Variants in CACNA2D1 observed in about 807,000 individuals in gnomAD.
CACNA2D1 encodes calcium voltage-gated channel auxiliary subunit alpha2delta 1.
CACNA2D1 carries 53 observed loss-of-function variants against 171.5 expected under a neutral mutation model. The ratio of observed to expected loss-of-function variants is 0.31; its 90% CI spans 0.25 to 0.39. CACNA2D1 has a LOEUF of 0.39. CACNA2D1 is among the 10% of genes least tolerant of loss of function. The probability of loss-of-function intolerance (pLI) is 1.00; values close to 1 mark genes in which losing one functional copy is unlikely to be tolerated. For synonymous variants in CACNA2D1, 442 were observed against 443.1 expected, an observed-to-expected ratio of 1.00 and a Z score of 0.03; for missense variants, 903 against 1,299.8, an observed-to-expected ratio of 0.69 and a Z score of 4.69.
intron 5 of CACNA2D1, among the ~76,000 whole-genome samples, chr7:82,119,201 GTT>G (rs910396504): frequency 2.6e-5 from 4 of 152,100 alleles, no homozygotes; most frequent in Non-Finnish European, 4.4e-5. Flanking sequence ...TCCTTCCAGT[GTT>G]TTCTTTTCAA....
intron 38 of CACNA2D1, among the ~76,000 whole-genome samples, chr7:81,951,889 T>A (rs180963926): frequency 2.6e-5 from 4 of 151,954 alleles, no homozygotes; most frequent in Non-Finnish European, 4.4e-5. Flanking sequence ...GTAGTTCTAC[T>A]TTTCATTCTT....
chr7:82,418,216 C>T (rs940731164), intron 1 of CACNA2D1, among the ~76,000 whole-genome samples: 12 of 152,082 alleles, frequency 7.9e-5, no homozygotes, highest in Non-Finnish European at 7.4e-5. Context: ...CTCATGAGAA[C>T]GAACTGAGTA....
chr7:82,118,669 T>C (rs892715219), intron 5 of CACNA2D1, among the ~76,000 whole-genome samples: 3 of 152,118 alleles, frequency 2.0e-5, no homozygotes, highest in Non-Finnish European at 4.4e-5. Context: ...CTCTGAATCC[T>C]CTCACACTTA....
intron 36 of CACNA2D1, among the ~76,000 whole-genome samples, chr7:81,961,683 G>A (rs180977500): frequency 5.4e-4 from 82 of 151,974 alleles, no homozygotes; most frequent in Admixed American, 2.4e-3. Flanking sequence ...ATCAAAGTTA[G>A]AATTTTAAAA....
At chr7:82,050,764 T>A (rs760184599) in intron 10 of CACNA2D1, 100 of 640,702 alleles carry the variant, frequency 1.6e-4, no homozygotes, top group Non-Finnish European at 2.3e-4. Context: ...ATCATCATCA[T>A]AATACATGAT....
At chr7:82,221,622 A>G (rs1801770612) in intron 3 of CACNA2D1, among the ~76,000 whole-genome samples, 1 of 151,982 alleles carries the variant, frequency 6.6e-6, no homozygotes. Flanking sequence ...GCAGTTGCCT[A>G]TAATCCCAGC....
chr7:82,216,923 C>A (rs1801175505), intron 3 of CACNA2D1, among the ~76,000 whole-genome samples: 2 of 148,194 alleles, frequency 1.3e-5, no homozygotes, highest in African/African-American at 2.5e-5. Flanking sequence ...GCTGGTTAAT[C>A]CTCCAATAAT....
At chr7:82,266,966 A>C (rs1261952318) in intron 3 of CACNA2D1, among the ~76,000 whole-genome samples, 1 of 152,240 alleles carries the variant, frequency 6.6e-6, no homozygotes, top group East Asian at 1.9e-4. Context: ...ACTACTTCTG[A>C]AAAATTTTTA....
At chr7:82,387,918 C>T (rs537982556) in intron 1 of CACNA2D1, among the ~76,000 whole-genome samples, 48 of 151,910 alleles carry the variant, frequency 3.2e-4, no homozygotes, top group Middle Eastern at 6.8e-3. Flanking sequence ...CCCATCTCTA[C>T]AAAAAATTAA....
chr7:82,124,622 T>G (rs1790127604), intron 5 of CACNA2D1, among the ~76,000 whole-genome samples: 1 of 152,152 alleles, frequency 6.6e-6, no homozygotes, highest in South Asian at 2.1e-4. Context: ...CTAGAGTGTA[T>G]TTAAACTCCA....
chr7:82,140,954 T>TAAAAAAAAAAAAAAAA lies in CACNA2D1; in HGVS notation c.355-4279_355-4278insTTTTTTTTTTTTTTTT, dbSNP rs1324664679. ...TAGGCGACAGAGCAAGACTCGTCTC[T>TAAAAAAAAAAAAAAAA]AAAAAAAAAAAAAAAGAAAAAAAAA... is the stretch of plus-strand genomic sequence containing the variant. On this transcript the variant is annotated intron_variant, in intron 4 of 38. Coordinates refer to ENST00000356860, the MANE Select transcript of CACNA2D1 (RefSeq NM_000722.4). 5.9e-4 allele frequency among the ~76,000 whole-genome samples: 54 copies of TAAAAAAAAAAAAAAAA among 91,738 alleles called. 2 individuals are homozygous for TAAAAAAAAAAAAAAAA. Among genetic ancestry groups the TAAAAAAAAAAAAAAAA allele is most frequent in the Non-Finnish European group, 8.2e-4 (40 of 48,516 alleles). 60.2% of individuals were successfully genotyped at this position (91,738 alleles called of 152,430 possible).
rs1386079922 is a variant in CACNA2D1, at chr7:82,291,482, TATTA to T, written c.294+43649_294+43652del. ...ATTAAATATATAATATATAAAAATA[TATTA>T]TATATATTTTTATATATAGATAGAT... On this transcript the variant is annotated intron_variant, in intron 3 of 38. Coordinates refer to ENST00000356860, the MANE Select transcript of CACNA2D1 (RefSeq NM_000722.4). Among the ~76,000 whole-genome samples the T allele has an allele frequency of 4.5e-5, 6 of 134,196 alleles. No homozygotes were observed. In the East Asian group the frequency reaches 1.3e-3, roughly 28 times the overall value. 88.0% of individuals were successfully genotyped at this position (134,196 alleles called of 152,430 possible).
At chr7:82,332,522 G>GAAATAT (rs1554514819) in intron 3 of CACNA2D1, among the ~76,000 whole-genome samples, 13 of 83,478 alleles carry the variant, frequency 1.6e-4, no homozygotes, top group African/African-American at 2.3e-4. Context: ...AAGAAAGAAA[G>GAAATAT]AAAGAAAGAA....
intron 3 of CACNA2D1, among the ~76,000 whole-genome samples, chr7:82,325,445 G>T (rs1393217228): frequency 1.3e-5 from 2 of 151,664 alleles, no homozygotes; most frequent in Admixed American, 1.3e-4. Flanking sequence ...TACTATGAGA[G>T]CCCAGTAGAG....
intron 38 of CACNA2D1, among the ~76,000 whole-genome samples, chr7:81,955,784 A>G (rs1793181807): frequency 6.6e-6 from 1 of 151,458 alleles, no homozygotes. Context: ...CACAATTTAT[A>G]AAGCATATTA....
chr7:82,272,015 A>T (rs949770096), intron 3 of CACNA2D1, among the ~76,000 whole-genome samples: 7 of 144,938 alleles, frequency 4.8e-5, no homozygotes, highest in Non-Finnish European at 7.9e-5. Context: ...AAACATTACT[A>T]AAAAAAAGGA....
chr7:82,185,512 GA>G (rs1246011585), intron 3 of CACNA2D1, among the ~76,000 whole-genome samples: 45 of 37,152 alleles, frequency 1.2e-3, no homozygotes, highest in African/African-American at 4.5e-3. Context: ...GGGGGAGGGG[GA>G]GGAGGGGGAG....
rs1349493443 is a variant in CACNA2D1, at chr7:81,947,894, CATAAT to C, written c.*2493_*2497del. 6.6e-5 allele frequency: 10 copies of C among 151,748 alleles called. No homozygotes were observed. Among genetic ancestry groups the C allele is most frequent in the African/African-American group, 2.2e-4 (9 of 41,366 alleles). The allele number at this position is 151,748 out of a possible 1,614,324, so 9.4% of individuals were successfully genotyped here. A position where few individuals can be genotyped will look rare whatever the true frequency, so the allele number is the denominator to read the frequency against. Reference sequence around the variant, plus strand: ...AATTTGTAATTGCATTTATGGTTGTCATAATATATAACTTTATAGCAGAAAATAAA... The same window carrying C: ...AATTTGTAATTGCATTTATGGTTGTCATATAACTTTATAGCAGAAAATAAA... On this transcript the variant is annotated 3_prime_UTR_variant, in exon 39 of 39. Coordinates refer to ENST00000356860, the MANE Select transcript of CACNA2D1 (RefSeq NM_000722.4).
At chr7:82,164,614 T>G (rs1370590781) in intron 4 of CACNA2D1, among the ~76,000 whole-genome samples, 1 of 151,968 alleles carries the variant, frequency 6.6e-6, no homozygotes, top group Non-Finnish European at 1.5e-5. Context: ...GGAGAGATTA[T>G]GCAATACAAA....
Sources: gnomAD v4.1 joint callset for allele counts (sites outside exome capture counted in the v4.1 genomes callset) on GRCh38, gnomAD v4.1.1 for gene constraint, MANE v1.5 for transcripts, NCBI Gene and HGNC (gene_info 2026-07-23, HGNC 2026-07-21) for gene names.